Variants in RNLS observed in about 807,000 individuals in gnomAD.
The protein encoded by RNLS is renalase, FAD dependent amine oxidase, also known as renalase.
Under a neutral mutation model 39.8 loss-of-function variants are expected in RNLS, and 39 were observed. That is an observed-to-expected ratio of 0.98 (90% CI 0.76 to 1.28). The LOEUF (loss-of-function observed/expected upper bound fraction) is 1.28. Among genes scored for constraint, RNLS ranks in the 50% most tolerant of loss-of-function variants. RNLS has a pLI of 0.00. For missense variants in RNLS, 410 were observed against 413.3 expected (o/e 0.99, Z 0.07); for synonymous variants, 147 against 150.7 (o/e 0.98, Z 0.18).
At chr10:88,371,311 C>T (rs770365793) in intron 4 of RNLS, among the ~76,000 whole-genome samples, 4 of 152,068 alleles carry the variant, frequency 2.6e-5, no homozygotes, top group Non-Finnish European at 5.9e-5. Flanking sequence ...GTATATCACA[C>T]TTTAGAAACG....
chr10:88,268,921 A>G (rs1465671337), downstream of RNLS, among the ~76,000 whole-genome samples: 1 of 152,196 alleles, frequency 6.6e-6, no homozygotes, highest in East Asian at 1.9e-4. Context: ...AGGGGTTCTG[A>G]CCACTCCAGC....
chr10:88,388,902 A>G (rs1318003286), intron 4 of RNLS, among the ~76,000 whole-genome samples: 1 of 152,202 alleles, frequency 6.6e-6, no homozygotes, highest in Admixed American at 6.5e-5. Flanking sequence ...AAGTGAATAA[A>G]TATCAGGGAA....
rs1015897016 is a variant in RNLS, at chr10:88,275,076, A to T, written c.877-44T>A. On this transcript the variant is annotated intron_variant, in intron 6 of 6. Coordinates refer to the RNLS transcript ENST00000371947. ...TCCTTCAACCCCAGTGCCACCCAAC[A>T]CAATGGCCTCTGACACCTTGTCTAC... 3 of 1,409,000 alleles carry T rather than the reference A, an allele frequency of 2.1e-6. No individual in the cohort carries two copies. The African/African-American group carries it at 4.2e-5, about 20-fold the overall frequency. The allele number at this position is 1,409,000 out of a possible 1,614,324, so 87.3% of individuals were successfully genotyped here. A position where few individuals can be genotyped will look rare whatever the true frequency, so the allele number is the denominator to read the frequency against.
the RNLS span, among the ~76,000 whole-genome samples, chr10:88,259,558 T>C: frequency 6.6e-6 from 1 of 152,224 alleles, no homozygotes; most frequent in Non-Finnish European, 1.5e-5. Flanking sequence ...TTTTCCACAC[T>C]TGTAAATTGA....
At chr10:88,460,180 A>G (rs1589831350) in intron 4 of RNLS, among the ~76,000 whole-genome samples, 1 of 152,286 alleles carries the variant, frequency 6.6e-6, no homozygotes, top group East Asian at 1.9e-4. Flanking sequence ...GCCATGCAAG[A>G]TGCTAGTAAA....
intron 4 of RNLS, among the ~76,000 whole-genome samples, chr10:88,490,431 C>T (rs962847342): frequency 2.6e-5 from 4 of 152,114 alleles, no homozygotes; most frequent in East Asian, 3.9e-4. Flanking sequence ...ACAAAGTGAA[C>T]GTCAGCCAGA....
intron 5 of RNLS, among the ~76,000 whole-genome samples, chr10:88,357,593 T>C (rs1849288729): frequency 6.6e-6 from 1 of 152,176 alleles, no homozygotes; most frequent in Non-Finnish European, 1.5e-5. Context: ...CAATTTATAC[T>C]AAATGTTTTA....
Position 88,572,678 on chromosome 10 carries a change from G to A in RNLS, c.526+225C>T, listed in dbSNP as rs563414608. Reference sequence around the variant, plus strand: ...AAAATACTGACGTGTTGAAGACATGGGCAATAAGAAAAGTGTTCAACTTTT... The same window carrying A: ...AAAATACTGACGTGTTGAAGACATGAGCAATAAGAAAAGTGTTCAACTTTT... On this transcript the variant is annotated intron_variant, in intron 4 of 6. Coordinates refer to ENST00000331772, the MANE Select transcript of RNLS (RefSeq NM_001031709.3). 2.0e-5 allele frequency among the ~76,000 whole-genome samples: 3 copies of A among 152,240 alleles called. No individual in the cohort carries two copies. The South Asian group carries it at 6.2e-4, about 32-fold the overall frequency.
At chr10:88,202,466 GTTTC>G in the RNLS span, among the ~76,000 whole-genome samples, 7 of 152,052 alleles carry the variant, frequency 4.6e-5, no homozygotes, top group Non-Finnish European at 8.8e-5. Context: ...TGTATTTTTA[GTTTC>G]TTTCTCATCA....
intron 6 of RNLS, among the ~76,000 whole-genome samples, chr10:88,305,276 G>A (rs959086133): frequency 1.3e-5 from 2 of 152,200 alleles, no homozygotes; most frequent in South Asian, 4.1e-4. Flanking sequence ...ACACCATAAA[G>A]CAACCACATA....
the RNLS span, among the ~76,000 whole-genome samples, chr10:88,257,487 G>A: frequency 6.6e-6 from 1 of 152,186 alleles, no homozygotes; most frequent in Non-Finnish European, 1.5e-5. Flanking sequence ...GCTGGCTAGG[G>A]TGATAGAGTG....
chr10:88,437,921 G>A (rs983676429), intron 4 of RNLS, among the ~76,000 whole-genome samples: 6 of 152,076 alleles, frequency 3.9e-5, no homozygotes, highest in African/African-American at 1.4e-4. Context: ...GAGGTTGGGA[G>A]TTCGAGACCA....
intron 4 of RNLS, among the ~76,000 whole-genome samples, chr10:88,548,195 G>A (rs564212666): frequency 1.3e-4 from 18 of 140,664 alleles, no homozygotes; most frequent in Non-Finnish European, 2.3e-4. Flanking sequence ...CCGGGAGGCG[G>A]AGGTTGCAGT....
intron 4 of RNLS, among the ~76,000 whole-genome samples, chr10:88,547,486 A>C (rs1417404781): frequency 1.3e-5 from 2 of 152,254 alleles, no homozygotes; most frequent in African/African-American, 4.8e-5. Flanking sequence ...TCTGGGTTAA[A>C]GTAAATATAT....
At chr10:88,246,690 G>A in the RNLS span, among the ~76,000 whole-genome samples, 1 of 152,138 alleles carries the variant, frequency 6.6e-6, no homozygotes, top group South Asian at 2.1e-4. Flanking sequence ...TGGAAGCAAA[G>A]AAAGTAGGTG....
At chr10:88,282,898 T>A (rs1351580914), downstream of RNLS, among the ~76,000 whole-genome samples, 1 of 152,204 alleles carries the variant, frequency 6.6e-6, no homozygotes, top group Non-Finnish European at 1.5e-5. Context: ...CTAACAAGTA[T>A]TAAATCACCC....
intron 4 of RNLS, among the ~76,000 whole-genome samples, chr10:88,406,945 G>C (rs991822405): frequency 9.2e-5 from 14 of 152,114 alleles, no homozygotes; most frequent in African/African-American, 2.9e-4. Flanking sequence ...AAGTAACTCA[G>C]GAATGTAAAA....
At chr10:88,406,310 A>G (rs1032379414) in intron 4 of RNLS, among the ~76,000 whole-genome samples, 2 of 152,062 alleles carry the variant, frequency 1.3e-5, no homozygotes, top group Admixed American at 6.6e-5. Flanking sequence ...TTACCCCCCA[A>G]ATATGTTTTC....
At chr10:88,553,409 T>C (rs536692361) in intron 4 of RNLS, among the ~76,000 whole-genome samples, 48 of 152,284 alleles carry the variant, frequency 3.2e-4, no homozygotes, top group Non-Finnish European at 2.9e-4. Flanking sequence ...AGGTCCCCAC[T>C]TGGCCTCAAT....
Sources: gnomAD v4.1 joint callset for allele counts (sites outside exome capture counted in the v4.1 genomes callset) on GRCh38, gnomAD v4.1.1 for gene constraint, MANE v1.5 for transcripts, NCBI Gene and HGNC (gene_info 2026-07-23, HGNC 2026-07-21) for gene names.